Variants in PRKCH observed in about 807,000 individuals in gnomAD.
PRKCH encodes the protein protein kinase C eta, also known as protein kinase C eta type.
A neutral mutation model predicts 82.5 loss-of-function variants in PRKCH; 28 were observed. The observed-to-expected ratio is 0.34, with a 90% CI of 0.25 to 0.47. The LOEUF (loss-of-function observed/expected upper bound fraction) is 0.47, where lower values mean the gene tolerates loss of function less well. Ranked by LOEUF, PRKCH falls within the 20% of genes least tolerant of loss-of-function variation. The pLI is 1.00. For synonymous variants in PRKCH, 322 were observed against 327.4 expected (o/e 0.98, Z 0.18); for missense variants, 705 against 881.8 (o/e 0.80, Z 2.54).
chr14:61,428,550 C>T (rs8018171), intron 2 of PRKCH, among the ~76,000 whole-genome samples: 9,584 of 152,134 alleles, frequency 0.063, 1,000 homozygotes, highest in African/African-American at 0.22. Flanking sequence ...CTTTTAAGTC[C>T]TCACCATATA....
chr14:61,196,795 C>T (rs2044445553), intron 1 of PRKCH, among the ~76,000 whole-genome samples: 1 of 152,124 alleles, frequency 6.6e-6, no homozygotes, highest in Non-Finnish European at 1.5e-5. Context: ...AACATAGACT[C>T]CCAGGGACAT....
chr14:61,272,157 G>T (rs2140086522), intron 1 of PRKCH, among the ~76,000 whole-genome samples: 1 of 151,860 alleles, frequency 6.6e-6, no homozygotes, highest in African/African-American at 2.4e-5. Context: ...GAACCCGGGG[G>T]GCGGAGCTTG....
Position 61,549,915 on chromosome 14 carries a change from C to A in PRKCH, c.*84C>A. 1.4e-6 allele frequency: 2 copies of A among 1,449,734 alleles called. No individual in the cohort carries two copies. Among genetic ancestry groups the A allele is most frequent in the Non-Finnish European group, 1.9e-6 (2 of 1,067,914 alleles). The allele number at this position is 1,449,734 out of a possible 1,614,324, so 89.8% of individuals were successfully genotyped here. A position where few individuals can be genotyped will look rare whatever the true frequency, so the allele number is the denominator to read the frequency against. On this transcript the variant is annotated 3_prime_UTR_variant, in exon 14 of 14. Coordinates refer to ENST00000332981, the MANE Select transcript of PRKCH (RefSeq NM_006255.5). ...AATTTCCTCTATGGGACCTTCCCAG[C>A]ATCAGCCTTAGAACAAGAACCTTAC...
At chr14:61,492,775 G>A (rs896859093) in intron 10 of PRKCH, among the ~76,000 whole-genome samples, 3 of 152,216 alleles carry the variant, frequency 2.0e-5, no homozygotes, top group African/African-American at 7.2e-5. Context: ...CCATTAATAA[G>A]TCATGGCAGC....
chr14:61,228,830 C>T (rs1422046368), intron 1 of PRKCH, among the ~76,000 whole-genome samples: 3 of 151,892 alleles, frequency 2.0e-5, no homozygotes, highest in African/African-American at 7.3e-5. Context: ...TGCTTGGGCC[C>T]AGTAGTTCAA....
At chr14:61,311,306 C>T (rs1244717602) in intron 1 of PRKCH, among the ~76,000 whole-genome samples, 1 of 152,168 alleles carries the variant, frequency 6.6e-6, no homozygotes, top group Non-Finnish European at 1.5e-5. Flanking sequence ...CCCTTTTAAA[C>T]ATAAATTCCA....
At chr14:61,428,904 A>C (rs1294795262) in intron 2 of PRKCH, among the ~76,000 whole-genome samples, 1 of 151,770 alleles carries the variant, frequency 6.6e-6, no homozygotes, top group Non-Finnish European at 1.5e-5. Flanking sequence ...TTTTTGGAGG[A>C]GAGGTGGAGC....
intron 2 of PRKCH, among the ~76,000 whole-genome samples, chr14:61,424,460 A>G (rs1883007361): frequency 6.6e-6 from 1 of 152,210 alleles, no homozygotes; most frequent in Non-Finnish European, 1.5e-5. Flanking sequence ...GAGATGAGGA[A>G]CTTCTTGGGA....
At chr14:61,501,193 A>G (rs1017233289) in intron 10 of PRKCH, among the ~76,000 whole-genome samples, 2 of 152,206 alleles carry the variant, frequency 1.3e-5, no homozygotes, top group East Asian at 1.9e-4. Context: ...GACATCAGCA[A>G]ATCCTCCATA....
At chr14:61,428,155 A>G (rs1385735108) in intron 2 of PRKCH, among the ~76,000 whole-genome samples, 8 of 148,112 alleles carry the variant, frequency 5.4e-5, no homozygotes, top group African/African-American at 2.1e-4. Flanking sequence ...ATGCTATACC[A>G]GAGTCAGGTT....
At chr14:61,547,392 G>GC (rs1194534582) in intron 12 of PRKCH, among the ~76,000 whole-genome samples, 1 of 152,168 alleles carries the variant, frequency 6.6e-6, no homozygotes, top group Non-Finnish European at 1.5e-5. Flanking sequence ...GATGTCTGCT[G>GC]CCCACAACTG....
intron 12 of PRKCH, chr14:61,543,714 T>C (rs1230802773): frequency 6.6e-6 from 1 of 152,202 alleles, no homozygotes; most frequent in African/African-American, 2.4e-5. Context: ...AGGAGCACAA[T>C]TGTTAACTTA....
intron 2 of PRKCH, among the ~76,000 whole-genome samples, chr14:61,405,071 A>T (rs866781451): frequency 6.6e-6 from 1 of 152,198 alleles, no homozygotes; most frequent in Non-Finnish European, 1.5e-5. Context: ...CATCACATCT[A>T]TTTATGACTT....
At chr14:61,352,689 G>GGAAAGAAAGAAAGAAAGAAAGAAA (rs56406998) in intron 1 of PRKCH, among the ~76,000 whole-genome samples, 34 of 126,546 alleles carry the variant, frequency 2.7e-4, no homozygotes, top group Non-Finnish European at 3.8e-4. Flanking sequence ...AGAAAGGAAA[G>GGAAAGAAAGAAAGAAAGAAAGAAA]GAAAGAAAGA....
chr14:61,321,922 A>G lies in PRKCH; in HGVS notation c.-180A>G. The stretch of plus-strand genomic sequence containing the variant: ...TTTCCACCTCGGGAGGGAGGGAAGG[A>G]GGGGAGGGAAAAGTCCCACGGAGGA... On this transcript the variant is annotated 5_prime_UTR_variant, in exon 1 of 14. Transcript: ENST00000332981. The surrounding 1 kb of genome is among the most constrained non-coding windows in gnomAD (Gnocchi z 4.1). 3.4e-6 allele frequency: 2 copies of G among 580,756 alleles called. No homozygotes were observed. The highest frequency in any genetic ancestry group is 3.3e-5 in the Admixed American group (1 of 30,702). The allele number at this position is 580,756 out of a possible 1,614,324, so 36.0% of individuals were successfully genotyped here.
chr14:61,244,261 A>G (rs978114402), intron 1 of PRKCH, among the ~76,000 whole-genome samples: 1 of 152,172 alleles, frequency 6.6e-6, no homozygotes, highest in South Asian at 2.1e-4. Context: ...AAGAGCTAGA[A>G]CCTGACAAAT....
intron 12 of PRKCH, among the ~76,000 whole-genome samples, chr14:61,531,067 A>G (rs1474772197): frequency 6.6e-6 from 1 of 152,228 alleles, no homozygotes; most frequent in Non-Finnish European, 1.5e-5. Context: ...AAACCTCTGC[A>G]GATCTATTTT....
intron 1 of PRKCH, among the ~76,000 whole-genome samples, chr14:61,373,213 AAG>A (rs1236563758): frequency 6.6e-6 from 1 of 151,960 alleles, no homozygotes; most frequent in Admixed American, 6.6e-5. Flanking sequence ...TCTATGAAGA[AAG>A]AGGTTTAATG....
At chr14:61,242,955 T>C (rs2044852023) in intron 1 of PRKCH, among the ~76,000 whole-genome samples, 1 of 152,218 alleles carries the variant, frequency 6.6e-6, no homozygotes, top group Admixed American at 6.5e-5. Context: ...CTGGTGTTTA[T>C]GGTCTAGAAG....
Sources: gnomAD v4.1 joint callset for allele counts (sites outside exome capture counted in the v4.1 genomes callset) on GRCh38, gnomAD v4.1.1 for gene constraint, Gnocchi (gnomAD v3.1) non-coding constraint, MANE v1.5 for transcripts, NCBI Gene and HGNC (gene_info 2026-07-23, HGNC 2026-07-21) for gene names.